Variants in WDR4 observed in about 807,000 individuals in gnomAD.
WDR4 encodes the protein tRNA (guanine-N(7)-)-methyltransferase non-catalytic subunit WDR4.
A neutral mutation model predicts 48.6 loss-of-function variants in WDR4; 47 were observed. The observed-to-expected ratio is 0.97, with a 90% CI of 0.77 to 1.23. WDR4 has a LOEUF of 1.23. WDR4 is among the 50% of genes most tolerant of loss of function. The pLI is 0.00. For synonymous variants in WDR4, 268 were observed against 230.0 expected, an observed-to-expected ratio of 1.17 and a Z score of -1.49; for missense variants, 606 against 551.6, an observed-to-expected ratio of 1.10 and a Z score of -0.99.
rs2058584994 is a variant in WDR4, at chr21:42,879,522, CAT to C, written c.-29_-28del. On this transcript the variant is annotated 5_prime_UTR_variant, in exon 1 of 11. It removes an upstream start codon present in the reference 5' UTR. Transcript: ENST00000398208. ...TACCCGCCCGCCTCACCGCCATACA[CAT>C]GTGCCAGCCCAGAGCCTCTTCCTGT... 2 of 1,611,702 alleles carry C rather than the reference CAT, an allele frequency of 1.2e-6. No homozygotes were observed. The highest frequency in any genetic ancestry group is 1.7e-5 in the Admixed American group (1 of 59,964).
chr21:42,856,984 G>A (rs1234672915), intron 6 of WDR4, among the ~76,000 whole-genome samples: 1 of 152,170 alleles, frequency 6.6e-6, no homozygotes, highest in Non-Finnish European at 1.5e-5. Context: ...AAGGAAACCT[G>A]GGGGCTGGAG....
chr21:42,869,183 T>C (rs1460487925), intron 3 of WDR4, among the ~76,000 whole-genome samples: 1 of 152,128 alleles, frequency 6.6e-6, no homozygotes, highest in Non-Finnish European at 1.5e-5. Context: ...ATTTTGTACT[T>C]CTCAGTGGTT....
At chr21:42,861,399 A>G (rs917787954) in intron 5 of WDR4, among the ~76,000 whole-genome samples, 1 of 150,748 alleles carries the variant, frequency 6.6e-6, no homozygotes, top group South Asian at 2.1e-4. Flanking sequence ...TTTTAATACT[A>G]TGTTTTTACT....
At chr21:42,846,100 G>C (rs1190984680), downstream of WDR4, among the ~76,000 whole-genome samples, 3 of 152,062 alleles carry the variant, frequency 2.0e-5, no homozygotes, top group African/African-American at 7.2e-5. Context: ...ACTCCAGCCT[G>C]GGTAACAGAG....
chr21:42,857,190 G>A (rs1488510290), intron 6 of WDR4, among the ~76,000 whole-genome samples: 2 of 152,058 alleles, frequency 1.3e-5, no homozygotes, highest in Non-Finnish European at 2.9e-5. Flanking sequence ...GGGAAACGGA[G>A]CCGAGGGGCC....
the WDR4 span, among the ~76,000 whole-genome samples, chr21:42,891,220 G>A: frequency 6.6e-6 from 1 of 151,958 alleles, no homozygotes; most frequent in East Asian, 1.9e-4. Flanking sequence ...TACTGGGGAG[G>A]CTGAGGCAAG....
At chr21:42,863,225 T>C (rs745902573) in intron 4 of WDR4, among the ~76,000 whole-genome samples, 1 of 151,978 alleles carries the variant, frequency 6.6e-6, no homozygotes, top group Non-Finnish European at 1.5e-5. Context: ...GGAGCCCCAT[T>C]CTCCCCACCA....
At chr21:42,844,979 A>C (rs1479598912), downstream of WDR4, among the ~76,000 whole-genome samples, 2 of 152,080 alleles carry the variant, frequency 1.3e-5, no homozygotes, top group African/African-American at 4.8e-5. Context: ...AGAGCCAAAC[A>C]CTGTGCCAAC....
In WDR4 at chr21:42,849,309, T is replaced by A. The variant is rs2057757466; in HGVS notation, c.*740A>T. ...ATCCTTGCTGATCGGTGATTGAAAT[T>A]CAGCAACATCCCTGTGGCTCTGCAG... is the stretch of plus-strand genomic sequence containing the variant. On this transcript the variant is annotated 3_prime_UTR_variant, in exon 11 of 11. Transcript: ENST00000398208. The A allele has an allele frequency of 6.6e-6, 1 of 152,402 alleles. No homozygotes were observed. 9.4% of individuals were successfully genotyped at this position (152,402 alleles called of 1,614,324 possible). A position where few individuals can be genotyped will look rare whatever the true frequency, so the allele number is the denominator to read the frequency against.
rs2058144315 is a variant in WDR4 at position 42,862,586 on chromosome 21, AG to A, written c.454-193del. ...GGTGGCCCTCATTCTCCCTCCCCAG[AG>A]GGTCCCTGGCCACCTCTAGCCCTCA... On this transcript the variant is annotated intron_variant, in intron 4 of 10. Transcript: ENST00000398208. This position sits in a 1 kb window ranked among gnomAD's most constrained non-coding sequence, Gnocchi z 4.3. Among the ~76,000 whole-genome samples the A allele has an allele frequency of 6.6e-6, 1 of 152,168 alleles. No individual in the cohort carries two copies. The highest frequency in any genetic ancestry group is 1.5e-5 in the Non-Finnish European group (1 of 67,982).
chr21:42,876,822 A>C (rs963247427), intron 1 of WDR4, 55 bp from the exon 2 acceptor site: 1 of 1,546,876 alleles, frequency 6.5e-7, no homozygotes, highest in Non-Finnish European at 8.8e-7. Flanking sequence ...AGAAATAACA[A>C]ATTTTTTTTT....
chr21:42,881,875 G>A (rs1030016445), upstream of WDR4, among the ~76,000 whole-genome samples: 12 of 151,830 alleles, frequency 7.9e-5, no homozygotes, highest in African/African-American at 1.2e-4. Flanking sequence ...CGTGATCTCC[G>A]CTCACCAAAA....
At chr21:42,884,738 C>A in the WDR4 span, among the ~76,000 whole-genome samples, 9 of 152,108 alleles carry the variant, frequency 5.9e-5, no homozygotes, top group Non-Finnish European at 1.2e-4. Flanking sequence ...ATTGTGGTTC[C>A]AGTTTCTCCA....
At chr21:42,888,375 A>G in the WDR4 span, among the ~76,000 whole-genome samples, 1 of 152,174 alleles carries the variant, frequency 6.6e-6, no homozygotes, top group Non-Finnish European at 1.5e-5. Flanking sequence ...CCTAGGCAAC[A>G]TGGTGAAACC....
chr21:42,871,903 T>C (rs963352429), intron 3 of WDR4, among the ~76,000 whole-genome samples: 1 of 152,140 alleles, frequency 6.6e-6, no homozygotes, highest in Non-Finnish European at 1.5e-5. Flanking sequence ...GTAGAAATGA[T>C]GCAGCGTTTC....
the WDR4 span, among the ~76,000 whole-genome samples, chr21:42,886,467 A>G: frequency 1.3e-5 from 2 of 152,246 alleles, no homozygotes; most frequent in Non-Finnish European, 2.9e-5. Context: ...GTCTAGAAAT[A>G]CAATTGACTT....
upstream of WDR4, among the ~76,000 whole-genome samples, chr21:42,884,144 A>G (rs541319094): frequency 6.6e-6 from 1 of 152,296 alleles, no homozygotes; most frequent in South Asian, 2.1e-4. Flanking sequence ...CTGAATGCAT[A>G]TATCACATAT....
At chr21:42,864,956 G>A (rs1202409021) in intron 3 of WDR4, among the ~76,000 whole-genome samples, 1 of 152,162 alleles carries the variant, frequency 6.6e-6, no homozygotes, top group Admixed American at 6.5e-5. Flanking sequence ...TGCCCAATAC[G>A]CAGCCAACAC....
intron 6 of WDR4, among the ~76,000 whole-genome samples, chr21:42,858,048 C>T (rs1454321125): frequency 6.6e-6 from 1 of 152,030 alleles, no homozygotes; most frequent in Non-Finnish European, 1.5e-5. Flanking sequence ...ACCGAGATCA[C>T]GCCACTGCAC....
Sources: allele counts gnomAD v4.1 joint callset (sites outside exome capture counted in the v4.1 genomes callset), GRCh38; gene constraint gnomAD v4.1.1; non-coding constraint Gnocchi (gnomAD v3.1); transcripts MANE v1.5; gene names NCBI Gene and HGNC (gene_info 2026-07-23, HGNC 2026-07-21).